The following SPEF2 variants were observed in gnomAD, a reference collection of about 807,000 sequenced individuals.
The protein encoded by SPEF2 is sperm flagellar and cilia associated 2.
A neutral mutation model predicts 224.6 loss-of-function variants in SPEF2; 187 were observed. That is an observed-to-expected ratio of 0.83 (90% CI 0.74 to 0.94). The LOEUF is 0.94. Among genes scored for constraint, SPEF2 ranks in the 40% least tolerant of loss-of-function variants. The pLI is 0.00. For missense variants in SPEF2, 2,170 were observed against 2,135.6 expected (o/e 1.02, Z -0.32); for synonymous variants, 715 against 707.3 (o/e 1.01, Z -0.17).
At chr5:35,764,316 G>A (rs1169195773) in intron 26 of SPEF2, among the ~76,000 whole-genome samples, 1 of 151,970 alleles carries the variant, frequency 6.6e-6, no homozygotes, top group Non-Finnish European at 1.5e-5. Context: ...GAGAATTAAG[G>A]TTCAGAAAGG....
At chr5:35,751,042 T>TGTCTATATATATACGTATATATATAC in intron 23 of SPEF2, among the ~76,000 whole-genome samples, 1 of 31,386 alleles carries the variant, frequency 3.2e-5, no homozygotes, top group Admixed American at 4.3e-4. Context: ...TATACACATA[T>TGTCTATATATATACGTATATATATAC]GTATATATAT....
chr5:35,802,559 T>A (rs1489496945), intron 34 of SPEF2, among the ~76,000 whole-genome samples: 3 of 151,226 alleles, frequency 2.0e-5, no homozygotes, highest in Admixed American at 6.6e-5. Context: ...AATACAGGCA[T>A]TGGAAGAGGG....
At chr5:35,710,951 C>A in intron 19 of SPEF2, 1 of 898,278 alleles carries the variant, frequency 1.1e-6, no homozygotes, top group Non-Finnish European at 1.3e-6. Flanking sequence ...TAATTGCTGC[C>A]ACCCAACCTT....
intron 26 of SPEF2, 148 bp from the exon 27 acceptor site, chr5:35,771,461 T>G: frequency 1.0e-6 from 1 of 966,368 alleles, no homozygotes; most frequent in Non-Finnish European, 1.4e-6. Flanking sequence ...TAAAACATGG[T>G]GGGGTGTGTT....
At chr5:35,773,498 G>A (rs1753162962) in intron 27 of SPEF2, among the ~76,000 whole-genome samples, 2 of 152,112 alleles carry the variant, frequency 1.3e-5, no homozygotes, top group African/African-American at 4.8e-5. Flanking sequence ...GAAACACTTT[G>A]CTAATAGAAG....
chr5:35,749,376 G>A (rs1471841928), intron 23 of SPEF2, among the ~76,000 whole-genome samples: 1 of 151,938 alleles, frequency 6.6e-6, no homozygotes, highest in Non-Finnish European at 1.5e-5. Flanking sequence ...GAGAAAGAAA[G>A]AAAAGGCACT....
chr5:35,697,309 GA>G (rs1013673780), intron 14 of SPEF2, among the ~76,000 whole-genome samples: 1 of 152,182 alleles, frequency 6.6e-6, no homozygotes, highest in African/African-American at 2.4e-5. Context: ...TTTGACCATG[GA>G]AAGATGAGAA....
At chr5:35,656,969 A>G (rs550444231) in intron 7 of SPEF2, among the ~76,000 whole-genome samples, 1 of 152,354 alleles carries the variant, frequency 6.6e-6, no homozygotes, top group African/African-American at 2.4e-5. Context: ...CAACTGACAC[A>G]AGAGATCCTG....
intron 36 of SPEF2, among the ~76,000 whole-genome samples, chr5:35,812,023 C>T (rs746502158): frequency 4.6e-5 from 7 of 151,986 alleles, no homozygotes; most frequent in African/African-American, 1.7e-4. Context: ...CCCCTGATCT[C>T]GTGATCCGCC....
At chr5:35,788,254 C>T in intron 30 of SPEF2, 1 of 702,964 alleles carries the variant, frequency 1.4e-6, no homozygotes. Flanking sequence ...AGAACTTATT[C>T]AGATCATGCC....
chr5:35,765,775 T>A (rs551147594), intron 26 of SPEF2, among the ~76,000 whole-genome samples: 1 of 152,282 alleles, frequency 6.6e-6, no homozygotes, highest in East Asian at 1.9e-4. Flanking sequence ...AAATGTTGGC[T>A]GCTGATTTTT....
At chr5:35,642,644 A>G (rs1365240498) in intron 3 of SPEF2, among the ~76,000 whole-genome samples, 1 of 152,190 alleles carries the variant, frequency 6.6e-6, no homozygotes, top group East Asian at 1.9e-4. Context: ...AATTCTCTCC[A>G]GTTTTTATGC....
chr5:35,697,672 T>C lies in SPEF2; in HGVS notation c.2038-18T>C. The C allele has an allele frequency of 1.9e-6, 3 of 1,591,976 alleles. No homozygotes were observed. The South Asian group carries it at 3.5e-5, about 18-fold the overall frequency. ...TTTAAATTAGCCATCTTCTGTCATTTCTTGTTTATTTTCCCAGCTCACTAC... is the reference window on the plus strand; with the variant it reads ...TTTAAATTAGCCATCTTCTGTCATTCCTTGTTTATTTTCCCAGCTCACTAC... On this transcript the variant is annotated intron_variant, in intron 14 of 36. Coordinates refer to ENST00000356031, the MANE Select transcript of SPEF2 (RefSeq NM_024867.4).
At chr5:35,788,732 G>T (rs1285554110) in intron 30 of SPEF2, 2 of 702,888 alleles carry the variant, frequency 2.8e-6, no homozygotes, top group African/African-American at 1.7e-5. Flanking sequence ...ACTATTAAGA[G>T]AAATACAACC....
At chr5:35,742,746 T>A (rs1471666314) in intron 23 of SPEF2, among the ~76,000 whole-genome samples, 1 of 151,950 alleles carries the variant, frequency 6.6e-6, no homozygotes, top group Non-Finnish European at 1.5e-5. Context: ...AAGATCTTTG[T>A]ATATGTTAAG....
intron 20 of SPEF2, among the ~76,000 whole-genome samples, chr5:35,719,880 A>G (rs1246596186): frequency 6.6e-6 from 1 of 152,148 alleles, no homozygotes; most frequent in Non-Finnish European, 1.5e-5. Flanking sequence ...TCGGCTTCCC[A>G]AAGTGCTGGG....
chr5:35,654,498 C>T lies in SPEF2; in HGVS notation c.792-42C>T, dbSNP rs866936319. On this transcript the variant is annotated intron_variant, in intron 6 of 36. Coordinates refer to ENST00000356031, the MANE Select transcript of SPEF2 (RefSeq NM_024867.4). ...AGTCACAGATAGTGGCATGGGATCA[C>T]ATTATTATTTAAAAATCTAAAATAA... The T allele has an allele frequency of 1.8e-5, 27 of 1,463,992 alleles. No individual in the cohort carries two copies. In the Middle Eastern group the frequency reaches 6.3e-4, roughly 34 times the overall value. 90.7% of individuals were successfully genotyped at this position (1,463,992 alleles called of 1,614,324 possible).
chr5:35,793,897 A>G (rs1756306130), intron 32 of SPEF2, among the ~76,000 whole-genome samples: 1 of 152,206 alleles, frequency 6.6e-6, no homozygotes, highest in Non-Finnish European at 1.5e-5. Flanking sequence ...TGGCCCATAC[A>G]GAAGGGATCA....
Position 35,773,675 on chromosome 5 carries a change from C to T in SPEF2, c.3950-218C>T, listed in dbSNP as rs6451217. ...TTTTAATTATACTACACAAATGGGG[C>T]GTTTTTATATGAGTCCAGCCCAGGA... On this transcript the variant is annotated intron_variant, in intron 27 of 36. Coordinates refer to ENST00000356031, the MANE Select transcript of SPEF2 (RefSeq NM_024867.4). 0.47 allele frequency among the ~76,000 whole-genome samples: 70,874 copies of T among 151,894 alleles called. 19,359 individuals carry two copies. Among genetic ancestry groups the T allele is most frequent in the African/African-American group, 0.77 (31,724 of 41,438 alleles).
Sources: allele counts gnomAD v4.1 joint callset (sites outside exome capture counted in the v4.1 genomes callset), GRCh38; gene constraint gnomAD v4.1.1; transcripts MANE v1.5; gene names NCBI Gene and HGNC (gene_info 2026-07-23, HGNC 2026-07-21).